Variants in CNTN3 observed in about 807,000 individuals in gnomAD.
CNTN3 encodes the protein contactin 3.
CNTN3 carries 60 observed loss-of-function variants against 119.1 expected under a neutral mutation model. That is an observed-to-expected ratio of 0.50 (90% CI 0.41 to 0.62). The LOEUF is 0.62. Ranked by LOEUF, CNTN3 falls within the 20% of genes least tolerant of loss-of-function variation. The pLI is 0.00. For synonymous variants in CNTN3, 450 were observed against 438.7 expected (o/e 1.03, Z -0.32); for missense variants, 1,101 against 1,242.4 (o/e 0.89, Z 1.71).
At chr3:74,539,532 C>T (rs571597397) in intron 1 of CNTN3, among the ~76,000 whole-genome samples, 1 of 152,072 alleles carries the variant, frequency 6.6e-6, no homozygotes, top group Admixed American at 6.6e-5. Flanking sequence ...GTTTCCACCT[C>T]CTGAAATAGC....
chr3:74,587,947 T>C (rs996429669), intron 1 of CNTN3, among the ~76,000 whole-genome samples: 13 of 152,166 alleles, frequency 8.5e-5, no homozygotes, highest in African/African-American at 2.9e-4. Context: ...TAGATAGCTC[T>C]TATTATTTTG....
rs1382723128 is a variant in CNTN3 at position 74,455,173 on chromosome 3, T to A, written c.359-30233A>T. On this transcript the variant is annotated intron_variant, in intron 4 of 22. Transcript: ENST00000263665. ...CAGACGTAGATTTGGTCTTTTCACA[T>A]AGTCCCATATTTCTTGGAGGCTTTG... Among the ~76,000 whole-genome samples, 3 of 152,148 alleles carry A rather than the reference T, an allele frequency of 2.0e-5. No homozygotes were observed. In the East Asian group the frequency reaches 5.8e-4, roughly 29 times the overall value.
intron 1 of CNTN3, among the ~76,000 whole-genome samples, chr3:74,577,188 A>T (rs944336287): frequency 6.6e-6 from 1 of 152,214 alleles, no homozygotes; most frequent in Non-Finnish European, 1.5e-5. Context: ...CATGCCAAAG[A>T]TGTTTTAGAT....
chr3:74,538,631 T>C (rs1308874198), intron 1 of CNTN3, among the ~76,000 whole-genome samples: 2 of 152,180 alleles, frequency 1.3e-5, no homozygotes, highest in Admixed American at 6.5e-5. Flanking sequence ...AAGGTTGTTA[T>C]CATTTGAGCA....
chr3:74,336,427 C>T lies in CNTN3; in HGVS notation c.1492+104G>A. ...ACATAAGTGCAAATACAGGTTCTAC[C>T]TTCATAGTGTACTGAACATTGTGAA... On this transcript the variant is annotated intron_variant, in intron 12 of 22. Transcript: ENST00000263665. The T allele has an allele frequency of 2.4e-6, 3 of 1,228,024 alleles. No individual in the cohort carries two copies. The South Asian group carries it at 4.4e-5, about 18-fold the overall frequency. The allele number at this position is 1,228,024 out of a possible 1,614,324, so 76.1% of individuals were successfully genotyped here.
rs1000395579 is a variant in CNTN3 at position 74,508,170 on chromosome 3, G to A, written c.56-8385C>T. Among the ~76,000 whole-genome samples, 5 of 152,278 alleles carry A rather than the reference G, an allele frequency of 3.3e-5. No homozygotes were observed. In the East Asian group the frequency reaches 9.7e-4, roughly 29 times the overall value. Reference sequence around the variant, plus strand: ...GTTTCCCCATGCTGTTCTAGTGATAGTGAGTGAGTTCTCATGAGATCTGAA... The same window carrying A: ...GTTTCCCCATGCTGTTCTAGTGATAATGAGTGAGTTCTCATGAGATCTGAA... On this transcript the variant is annotated intron_variant, in intron 2 of 22. Coordinates refer to ENST00000263665, the MANE Select transcript of CNTN3 (RefSeq NM_020872.3).
chr3:74,370,063 A>G, intron 6 of CNTN3, 72 bp from the exon 7 acceptor site: 2 of 858,646 alleles, frequency 2.3e-6, no homozygotes, highest in Non-Finnish European at 3.7e-6. Flanking sequence ...CTTAAATAAA[A>G]CTTTCTTTTG....
intron 4 of CNTN3, among the ~76,000 whole-genome samples, chr3:74,437,237 T>C (rs916233493): frequency 1.3e-5 from 2 of 152,120 alleles, no homozygotes; most frequent in African/African-American, 2.4e-5. Flanking sequence ...GGTGGGCGGA[T>C]CACGAGGTCA....
At chr3:74,501,986 T>C (rs1410498953) in intron 2 of CNTN3, among the ~76,000 whole-genome samples, 1 of 152,180 alleles carries the variant, frequency 6.6e-6, no homozygotes, top group Admixed American at 6.6e-5. Context: ...TAATTGAATT[T>C]ATTGTCCTAG....
chr3:74,584,174 G>C (rs1363256905), intron 1 of CNTN3, among the ~76,000 whole-genome samples: 1 of 151,864 alleles, frequency 6.6e-6, no homozygotes, highest in Non-Finnish European at 1.5e-5. Context: ...TTTTTTATTT[G>C]TATTTTCTAC....
intron 13 of CNTN3, among the ~76,000 whole-genome samples, chr3:74,328,355 T>C (rs1018741976): frequency 1.3e-5 from 2 of 152,230 alleles, no homozygotes; most frequent in African/African-American, 4.8e-5. Flanking sequence ...TCCTTTTTGC[T>C]TTTAAGGTTT....
intron 1 of CNTN3, among the ~76,000 whole-genome samples, chr3:74,590,889 G>T (rs1704691202): frequency 6.6e-6 from 1 of 151,892 alleles, no homozygotes; most frequent in Admixed American, 6.6e-5. Flanking sequence ...AGTGATATTG[G>T]TCTGCTGCTG....
chr3:74,308,995 TC>T (rs775351634), intron 13 of CNTN3, among the ~76,000 whole-genome samples: 1 of 152,132 alleles, frequency 6.6e-6, no homozygotes, highest in Non-Finnish European at 1.5e-5. Flanking sequence ...ACTGTCAAAG[TC>T]CCTGAGCCGG....
intron 1 of CNTN3, among the ~76,000 whole-genome samples, chr3:74,594,273 C>CTTTTTTTTTTTTTTTTTTTTTTTT (rs59436860): frequency 8.9e-6 from 1 of 112,068 alleles, no homozygotes; most frequent in African/African-American, 3.0e-5. Context: ...TTCTTTTTTT[C>CTTTTTTTTTTTTTTTTTTTTTTTT]TTTTTTTTTT....
At chr3:74,546,445 C>A (rs1423087279) in intron 1 of CNTN3, among the ~76,000 whole-genome samples, 4 of 152,206 alleles carry the variant, frequency 2.6e-5, no homozygotes, top group Admixed American at 1.3e-4. Flanking sequence ...CTGGGAGAGG[C>A]AGACTCACCC....
At chr3:74,610,026 C>T (rs908219054) in intron 1 of CNTN3, among the ~76,000 whole-genome samples, 1 of 151,912 alleles carries the variant, frequency 6.6e-6, no homozygotes, top group African/African-American at 2.4e-5. Flanking sequence ...GAGTAGCAGT[C>T]AAAAACTCTA....
At chr3:74,289,048 A>C (rs1314612770) in intron 19 of CNTN3, among the ~76,000 whole-genome samples, 2 of 152,220 alleles carry the variant, frequency 1.3e-5, no homozygotes, top group Admixed American at 1.3e-4. Context: ...AGGAGCTATT[A>C]ACAATTTTAA....
chr3:74,465,085 T>C (rs1233434247), intron 4 of CNTN3, among the ~76,000 whole-genome samples: 2 of 152,196 alleles, frequency 1.3e-5, no homozygotes, highest in South Asian at 2.1e-4. Flanking sequence ...TCTATTACCA[T>C]TGATCCTGTT....
chr3:74,550,487 C>G (rs1703974285), intron 1 of CNTN3, among the ~76,000 whole-genome samples: 1 of 152,206 alleles, frequency 6.6e-6, no homozygotes. Flanking sequence ...TAAGGAAGAA[C>G]TGCTTGGTCA....
Sources: gnomAD v4.1 joint callset for allele counts (sites outside exome capture counted in the v4.1 genomes callset) on GRCh38, gnomAD v4.1.1 for gene constraint, MANE v1.5 for transcripts, NCBI Gene and HGNC (gene_info 2026-07-23, HGNC 2026-07-21) for gene names.